Variants in SH3GLB1 observed in about 807,000 individuals in gnomAD.
SH3GLB1 encodes SH3 domain containing GRB2 like, endophilin B1.
A neutral mutation model predicts 42.0 loss-of-function variants in SH3GLB1; 17 were observed. The observed-to-expected ratio is 0.40, with a 90% confidence interval of 0.28 to 0.61. The LOEUF (loss-of-function observed/expected upper bound fraction) is 0.61. Ranked by LOEUF, SH3GLB1 falls within the 20% of genes least tolerant of loss-of-function variation. SH3GLB1 has a pLI of 0.36. For missense variants in SH3GLB1, 355 were observed against 426.3 expected, an observed-to-expected ratio of 0.83 and a Z score of 1.47; for synonymous variants, 132 against 146.6, an observed-to-expected ratio of 0.90 and a Z score of 0.72.
At chr1:86,734,888 ATGTTGT>A (rs909038855) in intron 6 of SH3GLB1, among the ~76,000 whole-genome samples, 185 bp from the exon 7 acceptor site, 73 of 152,210 alleles carry the variant, frequency 4.8e-4, no homozygotes, top group Non-Finnish European at 9.6e-4. Context: ...TTAAATATAC[ATGTTGT>A]TGTTTATTGG....
chr1:86,734,561 G>A (rs1198314538), intron 5 of SH3GLB1, 41 bp from the exon 6 acceptor site: 1 of 1,406,662 alleles, frequency 7.1e-7, no homozygotes, highest in Admixed American at 1.7e-5. Flanking sequence ...AAGATGGACT[G>A]AGTCTTCTAA....
At chr1:86,724,892 A>AATATATAT (rs58927851) in intron 5 of SH3GLB1, among the ~76,000 whole-genome samples, 6 of 99,698 alleles carry the variant, frequency 6.0e-5, no homozygotes, top group South Asian at 3.0e-4. Context: ...AAAAAAAAAA[A>AATATATAT]ATATATATAT....
At chr1:86,728,638 C>G in intron 5 of SH3GLB1, 1 of 506,694 alleles carries the variant, frequency 2.0e-6, no homozygotes, top group Non-Finnish European at 3.5e-6. Context: ...TGAAGTAATA[C>G]TGGAACTTTA....
Position 86,704,982 on chromosome 1 carries a change from G to A in SH3GLB1, c.72+11G>A. On this transcript the variant is annotated intron_variant, in intron 1 of 8. Coordinates refer to ENST00000370558, the MANE Select transcript of SH3GLB1 (RefSeq NM_016009.5). ...AGTCGCGCCGTGCAGGTACCCTGGT[G>A]CTGGGGGGAAAAGGGGTGGCGGCGC... 1 of 1,562,610 alleles carries A rather than the reference G, an allele frequency of 6.4e-7. No individual in the cohort carries two copies. Among genetic ancestry groups the A allele is most frequent in the Admixed American group, 1.8e-5 (1 of 54,660 alleles).
chr1:86,726,639 C>T (rs1452348593), intron 5 of SH3GLB1, among the ~76,000 whole-genome samples: 1 of 151,922 alleles, frequency 6.6e-6, no homozygotes, highest in Non-Finnish European at 1.5e-5. Context: ...TTTTTTTAGT[C>T]TAGACAGGAA....
intron 5 of SH3GLB1, among the ~76,000 whole-genome samples, chr1:86,732,195 C>G (rs987990404): frequency 3.3e-5 from 5 of 152,162 alleles, no homozygotes; most frequent in Non-Finnish European, 7.4e-5. Flanking sequence ...GAAGCATTAC[C>G]AAAATTTAGG....
At chr1:86,726,114 C>T (rs1235891045) in intron 5 of SH3GLB1, among the ~76,000 whole-genome samples, 1 of 151,924 alleles carries the variant, frequency 6.6e-6, no homozygotes, top group African/African-American at 2.4e-5. Context: ...AAATTTCATA[C>T]TCAGGAAAAA....
At chr1:86,741,170 G>A (rs1045726512) in intron 7 of SH3GLB1, among the ~76,000 whole-genome samples, 11 of 152,234 alleles carry the variant, frequency 7.2e-5, no homozygotes, top group African/African-American at 2.2e-4. Flanking sequence ...GGAGATAAAC[G>A]CTAGCACTGG....
rs114584841 is a variant in SH3GLB1 at position 86,741,824 on chromosome 1, C to A, written c.762-384C>A. Among the ~76,000 whole-genome samples, 1,011 of 152,004 alleles carry A rather than the reference C, an allele frequency of 6.7e-3. 8 individuals are homozygous for A. Among genetic ancestry groups the A allele is most frequent in the African/African-American group, 0.023 (945 of 41,490 alleles). On this transcript the variant is annotated intron_variant, in intron 7 of 8. Transcript: ENST00000370558. ...TTCTCAAAGAATTAAATTAAGAAAG[C>A]CTCATACTTGTAGTATCTAATATTT...
chr1:86,724,949 A>T (rs954996061), intron 5 of SH3GLB1, among the ~76,000 whole-genome samples: 2 of 143,644 alleles, frequency 1.4e-5, no homozygotes, highest in African/African-American at 5.2e-5. Flanking sequence ...ATATATATAA[A>T]ATATATAATA....
chr1:86,704,638 G>A lies in SH3GLB1; in HGVS notation c.-262G>A, dbSNP rs919539382. 7 of 336,088 alleles carry A rather than the reference G, an allele frequency of 2.1e-5. No individual in the cohort carries two copies. Among genetic ancestry groups the A allele is most frequent in the African/African-American group, 1.3e-4 (6 of 45,336 alleles). The allele number at this position is 336,088 out of a possible 1,614,324, so 20.8% of individuals were successfully genotyped here. On this transcript the variant is annotated 5_prime_UTR_variant, in exon 1 of 9. Coordinates refer to ENST00000370558, the MANE Select transcript of SH3GLB1 (RefSeq NM_016009.5). ...GCCCGTCCATCTCCGGCTCGCCCGCGGGGCCCATCGTCGACGTTAGCGGCC... is the reference window on the plus strand; with the variant it reads ...GCCCGTCCATCTCCGGCTCGCCCGCAGGGCCCATCGTCGACGTTAGCGGCC...
intron 3 of SH3GLB1, 48 bp from the exon 4 acceptor site, chr1:86,722,492 T>G: frequency 1.3e-6 from 2 of 1,500,070 alleles, no homozygotes; most frequent in Non-Finnish European, 1.8e-6. Flanking sequence ...TGATTTTATT[T>G]TCTGGTATTA....
intron 4 of SH3GLB1, among the ~76,000 whole-genome samples, chr1:86,723,812 T>C (rs1272758961): frequency 1.3e-5 from 2 of 152,218 alleles, no homozygotes; most frequent in Non-Finnish European, 1.5e-5. Flanking sequence ...CCCAGGCGTA[T>C]ACTTCCTTCT....
At chr1:86,742,998 A>G (rs1384367321) in intron 8 of SH3GLB1, 130 bp from the exon 9 acceptor site, 3 of 714,760 alleles carry the variant, frequency 4.2e-6, no homozygotes, top group Non-Finnish European at 6.9e-6. Context: ...TTTGTTTTTC[A>G]GCACAATTGA....
chr1:86,732,046 A>G (rs1437634745), intron 5 of SH3GLB1, among the ~76,000 whole-genome samples: 1 of 152,246 alleles, frequency 6.6e-6, no homozygotes, highest in Admixed American at 6.5e-5. Context: ...GCTAGGCAAC[A>G]AGAGCAAAAC....
At chr1:86,707,153 G>A (rs1360769425) in intron 1 of SH3GLB1, among the ~76,000 whole-genome samples, 2 of 152,108 alleles carry the variant, frequency 1.3e-5, no homozygotes, top group Non-Finnish European at 2.9e-5. Context: ...ATAGAATAAC[G>A]CAGAGATGGT....
rs552692441 is a variant in SH3GLB1 at position 86,723,989 on chromosome 1, G to A, written c.478-324G>A. On this transcript the variant is annotated intron_variant, in intron 4 of 8. Transcript: ENST00000370558. ...CCAATAACATCCCTCCACCAATTGT[G>A]ACAACCAAAAAGGTATTGCCAAATG... Among the ~76,000 whole-genome samples, 67 of 152,256 alleles carry A rather than the reference G, an allele frequency of 4.4e-4. 1 individual carries two copies. The South Asian group carries it at 0.013, about 31-fold the overall frequency.
At chr1:86,728,014 A>G (rs1469686503) in intron 5 of SH3GLB1, among the ~76,000 whole-genome samples, 2 of 152,060 alleles carry the variant, frequency 1.3e-5, no homozygotes, top group African/African-American at 2.4e-5. Context: ...TTGAAAGAGA[A>G]TGTGGTTGAA....
chr1:86,729,957 A>C (rs1655416385), intron 5 of SH3GLB1: 3 of 862,952 alleles, frequency 3.5e-6, no homozygotes, highest in Non-Finnish European at 5.3e-6. Context: ...TACTGTGTTT[A>C]ATCTATAAAT....
Sources: allele counts gnomAD v4.1 joint callset (sites outside exome capture counted in the v4.1 genomes callset), GRCh38; gene constraint gnomAD v4.1.1; transcripts MANE v1.5; gene names NCBI Gene and HGNC (gene_info 2026-07-23, HGNC 2026-07-21).